TMEM45A: variants seen among roughly 807,000 people sequenced by gnomAD.
The protein encoded by TMEM45A is DNA polymerase-transactivated protein 4.
A neutral mutation model predicts 32.0 loss-of-function variants in TMEM45A; 25 were observed. The ratio of observed to expected loss-of-function variants is 0.78; its 90% CI spans 0.57 to 1.09. TMEM45A has a LOEUF of 1.09. Among genes scored for constraint, TMEM45A ranks in the 50% least tolerant of loss-of-function variants. The pLI is 0.00. For synonymous variants in TMEM45A, 122 were observed against 114.8 expected, an observed-to-expected ratio of 1.06 and a Z score of -0.40; for missense variants, 302 against 325.0, an observed-to-expected ratio of 0.93 and a Z score of 0.54.
chr3:100,533,191 G>T (rs4928111), intron 1 of TMEM45A, among the ~76,000 whole-genome samples: 2 of 151,770 alleles, frequency 1.3e-5, no homozygotes, highest in African/African-American at 2.4e-5. Context: ...TTAAGATAGG[G>T]GACCCATGGT....
intron 5 of TMEM45A, chr3:100,574,749 T>C (rs1052847976): frequency 3.9e-5 from 6 of 152,196 alleles, no homozygotes; most frequent in African/African-American, 1.4e-4. Flanking sequence ...GCCAAACATA[T>C]AGTAGATTCT....
At chr3:100,499,277 T>C (rs1279842780) in intron 1 of TMEM45A, among the ~76,000 whole-genome samples, 1 of 152,226 alleles carries the variant, frequency 6.6e-6, no homozygotes, top group Non-Finnish European at 1.5e-5. Context: ...AAATTCAATG[T>C]CCTGAAGCTT....
In TMEM45A at chr3:100,568,500, C is replaced by A. The variant is rs115336877; in HGVS notation, c.589-322C>A. The stretch of plus-strand genomic sequence containing the variant: ...ATTTATTTTAAAACCTTTTTGTACT[C>A]CAATTTTGAAATAACAGAGTGAAAC... On this transcript the variant is annotated intron_variant, in intron 4 of 5. Transcript: ENST00000323523. Among the ~76,000 whole-genome samples, 1,024 of 152,252 alleles carry A rather than the reference C, an allele frequency of 6.7e-3. 5 individuals are homozygous for A. The highest frequency in any genetic ancestry group is 0.014 in the South Asian group (66 of 4,816).
intron 4 of TMEM45A, among the ~76,000 whole-genome samples, chr3:100,565,058 T>C (rs1706403123): frequency 6.6e-6 from 1 of 151,812 alleles, no homozygotes; most frequent in South Asian, 2.1e-4. Context: ...GAACATGGAG[T>C]TTTTGGAGCC....
intron 1 of TMEM45A, among the ~76,000 whole-genome samples, chr3:100,550,214 A>T (rs541727446): frequency 6.8e-6 from 1 of 147,838 alleles, no homozygotes; most frequent in South Asian, 2.1e-4. Flanking sequence ...AAAAGAAAAA[A>T]AAATAAATCC....
In TMEM45A at chr3:100,555,238, C is replaced by T. The variant is rs1706190612; in HGVS notation, c.27C>T (p.Leu9=). 6.2e-7 allele frequency: 1 copy of T among 1,610,082 alleles called. No individual in the cohort carries two copies. The change falls in exon 2 of 6, where the codon CTC becomes CTT. Residue 9 remains leucine, a synonymous_variant. Coordinates refer to ENST00000323523, the MANE Select transcript of TMEM45A (RefSeq NM_018004.3). MGNFRGHA[L]PGTFFFIIGL... The stretch of plus-strand genomic sequence containing the variant: ...TGGGGAATTTCAGAGGTCATGCCCT[C>T]CCTGGAACCTTCTTTTTTATTATTG...
At chr3:100,540,482 A>T (rs557864069) in intron 1 of TMEM45A, among the ~76,000 whole-genome samples, 3 of 152,338 alleles carry the variant, frequency 2.0e-5, no homozygotes, top group Admixed American at 6.5e-5. Context: ...TTAAAACAAC[A>T]GTGAGATACT....
At chr3:100,575,364 T>TC (rs1491406384) in intron 5 of TMEM45A, among the ~76,000 whole-genome samples, 5 of 13,984 alleles carry the variant, frequency 3.6e-4, no homozygotes, top group African/African-American at 9.0e-4. Flanking sequence ...ATGGATTCTC[T>TC]TTTTTTTTTT....
chr3:100,506,955 A>C (rs1708087892), intron 1 of TMEM45A, among the ~76,000 whole-genome samples: 1 of 152,208 alleles, frequency 6.6e-6, no homozygotes, highest in South Asian at 2.1e-4. Context: ...AAGTGAGTAA[A>C]GTCTTGTTAG....
intron 1 of TMEM45A, among the ~76,000 whole-genome samples, chr3:100,549,502 G>A (rs1371827885): frequency 2.6e-5 from 4 of 152,228 alleles, no homozygotes; most frequent in Non-Finnish European, 5.9e-5. Context: ...GGGATGGCAA[G>A]GTGAGTCACA....
At position 100,498,477 on chromosome 3, in the gene TMEM45A, T is replaced by G. The variant is rs111955671; in HGVS notation, c.-4+5549T>G. ...AACTTGAGACTACAGCAAGTCTTCC[T>G]TGCACCTTCAGCCTGCTAGCCTACC... is the stretch of plus-strand genomic sequence containing the variant. On this transcript the variant is annotated intron_variant, in intron 1 of 5. Transcript: ENST00000323523. Among the ~76,000 whole-genome samples, 232 of 152,300 alleles carry G rather than the reference T, an allele frequency of 1.5e-3. 4 individuals are homozygous for G. The highest frequency in any genetic ancestry group is 5.4e-3 in the African/African-American group (223 of 41,548).
intron 1 of TMEM45A, among the ~76,000 whole-genome samples, chr3:100,505,259 G>C (rs917310574): frequency 6.6e-6 from 1 of 152,166 alleles, no homozygotes; most frequent in Non-Finnish European, 1.5e-5. Context: ...GGCAATGAAT[G>C]AGAAAGAAGC....
At position 100,529,448 on chromosome 3, in the gene TMEM45A, C is replaced by A. The variant is rs181412266; in HGVS notation, c.-3-25761C>A. On this transcript the variant is annotated intron_variant, in intron 1 of 5. Coordinates refer to ENST00000323523, the MANE Select transcript of TMEM45A (RefSeq NM_018004.3). ...GGTCATCTCAGCATAGTGTGGGAGG[C>A]CATGCTGCAGCGAGGGGATGTGCAA... 6.2e-4 allele frequency among the ~76,000 whole-genome samples: 95 copies of A among 152,136 alleles called. 1 individual carries two copies. Among genetic ancestry groups the A allele is most frequent in the African/African-American group, 2.0e-3 (85 of 41,502 alleles).
intron 1 of TMEM45A, among the ~76,000 whole-genome samples, chr3:100,522,336 C>A (rs535967777): frequency 1.3e-5 from 2 of 152,102 alleles, no homozygotes; most frequent in East Asian, 3.9e-4. Context: ...CTGGATTGCA[C>A]CTTTGTTGAC....
chr3:100,569,470 C>T (rs1706513706), intron 5 of TMEM45A, among the ~76,000 whole-genome samples: 1 of 152,070 alleles, frequency 6.6e-6, no homozygotes, highest in Non-Finnish European at 1.5e-5. Flanking sequence ...ATAAGAACCC[C>T]AGTATAATGT....
intron 1 of TMEM45A, among the ~76,000 whole-genome samples, chr3:100,548,921 G>A (rs555978789): frequency 5.3e-5 from 8 of 152,158 alleles, no homozygotes; most frequent in Non-Finnish European, 8.8e-5. Flanking sequence ...ACCCTGTGGC[G>A]ATCTCTTTCT....
In TMEM45A at chr3:100,537,157, C is replaced by T. The variant is rs542282639; in HGVS notation, c.-3-18052C>T. ...AGGTTGGTCTCAAACTCCTGACCTCCGGTGATCCGTCCAGCTTGGCCTCCC... is the reference window on the plus strand; with the variant it reads ...AGGTTGGTCTCAAACTCCTGACCTCTGGTGATCCGTCCAGCTTGGCCTCCC... On this transcript the variant is annotated intron_variant, in intron 1 of 5. Coordinates refer to ENST00000323523, the MANE Select transcript of TMEM45A (RefSeq NM_018004.3). Among the ~76,000 whole-genome samples the T allele has an allele frequency of 9.9e-5, 15 of 152,072 alleles. No individual in the cohort carries two copies. The South Asian group carries it at 2.1e-3, about 21-fold the overall frequency.
At chr3:100,567,274 A>C (rs970775266) in intron 4 of TMEM45A, among the ~76,000 whole-genome samples, 1 of 151,868 alleles carries the variant, frequency 6.6e-6, no homozygotes, top group Non-Finnish European at 1.5e-5. Context: ...TTCTTTCCCC[A>C]TTGAATGGCT....
intron 1 of TMEM45A, among the ~76,000 whole-genome samples, chr3:100,538,638 G>A (rs1705788869): frequency 6.6e-6 from 1 of 152,158 alleles, no homozygotes; most frequent in African/African-American, 2.4e-5. Flanking sequence ...TTCACAGATG[G>A]CATAATTGTT....
Sources: allele counts gnomAD v4.1 joint callset (sites outside exome capture counted in the v4.1 genomes callset), GRCh38; gene constraint gnomAD v4.1.1; transcripts MANE v1.5; gene names NCBI Gene and HGNC (gene_info 2026-07-23, HGNC 2026-07-21).